Variants in FRMD4B observed in about 807,000 individuals in gnomAD.
FRMD4B encodes the protein FERM domain containing 4B.
In FRMD4B, 74 loss-of-function variants were observed where a neutral mutation model predicts 141.5. The observed-to-expected ratio is 0.52, with a 90% CI of 0.43 to 0.63. FRMD4B has a LOEUF of 0.63. Among genes scored for constraint, FRMD4B ranks in the 30% least tolerant of loss-of-function variants. The pLI is 0.00. For missense variants in FRMD4B, 1,366 were observed against 1,253.4 expected (o/e 1.09, Z -1.36); for synonymous variants, 506 against 467.9 (o/e 1.08, Z -1.05).
intron 1 of FRMD4B, among the ~76,000 whole-genome samples, chr3:69,464,500 A>G (rs1705752378): frequency 6.6e-6 from 1 of 152,202 alleles, no homozygotes; most frequent in African/African-American, 2.4e-5. Context: ...CTAAAACATG[A>G]AACTAGGACT....
chr3:69,528,248 C>G (rs1293738313), intron 1 of FRMD4B, among the ~76,000 whole-genome samples: 1 of 148,108 alleles, frequency 6.8e-6, no homozygotes, highest in East Asian at 2.1e-4. Flanking sequence ...CTCCCTGCCT[C>G]CCTCCCTCCC....
chr3:69,378,699 C>A (rs1267922144), intron 1 of FRMD4B, among the ~76,000 whole-genome samples: 1 of 152,048 alleles, frequency 6.6e-6, no homozygotes, highest in Non-Finnish European at 1.5e-5. Flanking sequence ...TCCTTCCCCA[C>A]AAAGATCTCC....
chr3:69,395,854 T>C (rs1305470794), intron 2 of FRMD4B, among the ~76,000 whole-genome samples: 1 of 152,028 alleles, frequency 6.6e-6, no homozygotes, highest in Non-Finnish European at 1.5e-5. Context: ...CAGTATTTGA[T>C]AGGAAAGAAG....
chr3:69,399,043 G>T (rs1334945480), intron 2 of FRMD4B, among the ~76,000 whole-genome samples: 1 of 151,608 alleles, frequency 6.6e-6, no homozygotes, highest in African/African-American at 2.4e-5. Flanking sequence ...TGGATTTAAA[G>T]AAAGAAAAAA....
At chr3:69,296,362 T>C (rs1039476692) in intron 4 of FRMD4B, among the ~76,000 whole-genome samples, 12 of 152,128 alleles carry the variant, frequency 7.9e-5, no homozygotes, top group Non-Finnish European at 4.4e-5. Context: ...AATAGAATCC[T>C]GTAAGAAACT....
At chr3:69,499,699 G>C (rs1362607375) in intron 1 of FRMD4B, among the ~76,000 whole-genome samples, 2 of 152,142 alleles carry the variant, frequency 1.3e-5, no homozygotes, top group Non-Finnish European at 2.9e-5. Flanking sequence ...GACAGAGAGA[G>C]AGAGAGAGAG....
intron 2 of FRMD4B, among the ~76,000 whole-genome samples, chr3:69,399,417 T>C (rs1055580850): frequency 6.6e-6 from 1 of 152,246 alleles, no homozygotes; most frequent in Admixed American, 6.5e-5. Context: ...TCTCAATTTG[T>C]ATCCCAACAT....
intron 1 of FRMD4B, among the ~76,000 whole-genome samples, chr3:69,358,900 C>T (rs1180755604): frequency 3.9e-5 from 6 of 152,294 alleles, no homozygotes; most frequent in Non-Finnish European, 8.8e-5. Context: ...TGAACCTGTG[C>T]ACCCTTCTGC....
At chr3:69,252,797 G>T (rs535711037) in intron 5 of FRMD4B, among the ~76,000 whole-genome samples, 1 of 152,076 alleles carries the variant, frequency 6.6e-6, no homozygotes, top group African/African-American at 2.4e-5. Flanking sequence ...TATAGGTACC[G>T]GGCAAGCCAA....
intron 1 of FRMD4B, among the ~76,000 whole-genome samples, chr3:69,521,539 A>G (rs1700855913): frequency 1.3e-5 from 2 of 152,208 alleles, no homozygotes; most frequent in South Asian, 4.1e-4. Flanking sequence ...GTGTGAGTCA[A>G]ATCATGTCCC....
chr3:69,211,843 T>C lies in FRMD4B; in HGVS notation c.876+4420A>G, dbSNP rs1218483688. Among the ~76,000 whole-genome samples the C allele has an allele frequency of 2.0e-5, 3 of 152,198 alleles. No individual in the cohort carries two copies. The East Asian group carries it at 5.8e-4, about 29-fold the overall frequency. On this transcript the variant is annotated intron_variant, in intron 11 of 22. Transcript: ENST00000398540. Reference sequence around the variant, plus strand: ...ATGATCCTCCTTTAATAGAAGGCTGTGCTCATGGTCCTTTAAATTATGCAT... The same window carrying C: ...ATGATCCTCCTTTAATAGAAGGCTGCGCTCATGGTCCTTTAAATTATGCAT...
intron 7 of FRMD4B, among the ~76,000 whole-genome samples, chr3:69,234,244 C>CAAAA (rs34192296): frequency 9.3e-5 from 7 of 75,302 alleles, no homozygotes; most frequent in African/African-American, 4.0e-4. Context: ...GACCCTGTCT[C>CAAAA]AAAAAAAAAA....
At chr3:69,313,405 A>G (rs997143557) in intron 2 of FRMD4B, 47 bp downstream of exon 2, 3 of 1,334,186 alleles carry the variant, frequency 2.2e-6, no homozygotes, top group Non-Finnish European at 3.2e-6. Context: ...GGTAAAACCT[A>G]CCTGGGCAAG....
chr3:69,329,765 C>G (rs2107323928), intron 1 of FRMD4B, among the ~76,000 whole-genome samples: 2 of 151,800 alleles, frequency 1.3e-5, no homozygotes, highest in South Asian at 4.2e-4. Flanking sequence ...CTCCTGACCT[C>G]AGGTGATCTG....
intron 2 of FRMD4B, among the ~76,000 whole-genome samples, chr3:69,412,420 T>A (rs991021201): frequency 6.6e-6 from 1 of 152,174 alleles, no homozygotes; most frequent in Admixed American, 6.6e-5. Flanking sequence ...TGATTGCTAT[T>A]CTTTTGATAA....
intron 1 of FRMD4B, among the ~76,000 whole-genome samples, chr3:69,500,710 T>G (rs1181659259): frequency 2.0e-5 from 3 of 148,028 alleles, no homozygotes; most frequent in Non-Finnish European, 3.0e-5. Flanking sequence ...AAGCCAGGGC[T>G]GGAGTCACAC....
chr3:69,452,335 G>A (rs1256706196), intron 1 of FRMD4B, among the ~76,000 whole-genome samples: 1 of 152,220 alleles, frequency 6.6e-6, no homozygotes, highest in Non-Finnish European at 1.5e-5. Context: ...AACAGGATTG[G>A]CATGCTTAAG....
At chr3:69,211,572 T>A (rs1359668935) in intron 11 of FRMD4B, among the ~76,000 whole-genome samples, 1 of 152,204 alleles carries the variant, frequency 6.6e-6, no homozygotes, top group Non-Finnish European at 1.5e-5. Flanking sequence ...GAACAACTCC[T>A]TTTCAAAACA....
intron 1 of FRMD4B, among the ~76,000 whole-genome samples, chr3:69,375,264 C>CCCATCCAT (rs1217452208): frequency 0.016 from 170 of 10,350 alleles, 5 homozygotes; most frequent in Admixed American, 0.03. Context: ...TCCACCCCAT[C>CCCATCCAT]CCATCCATCC....
Sources: gnomAD v4.1 joint callset for allele counts (sites outside exome capture counted in the v4.1 genomes callset) on GRCh38, gnomAD v4.1.1 for gene constraint, MANE v1.5 for transcripts, NCBI Gene and HGNC (gene_info 2026-07-23, HGNC 2026-07-21) for gene names.